The following FNIP1 variants were observed in gnomAD, a reference collection of about 807,000 sequenced individuals.
The protein encoded by FNIP1 is folliculin-interacting protein 1.
Under a neutral mutation model 124.5 loss-of-function variants are expected in FNIP1, and 40 were observed. The observed-to-expected ratio is 0.32, with a 90% confidence interval of 0.25 to 0.42. FNIP1 has a LOEUF of 0.42. Among genes scored for constraint, FNIP1 ranks in the 10% least tolerant of loss-of-function variants. The pLI is 1.00. For synonymous variants in FNIP1, 472 were observed against 470.6 expected (o/e 1.00, Z -0.04); for missense variants, 1,176 against 1,403.7 (o/e 0.84, Z 2.59).
intron 1 of FNIP1, among the ~76,000 whole-genome samples, chr5:131,769,930 T>C (rs1020528810): frequency 6.6e-6 from 1 of 152,298 alleles, no homozygotes; most frequent in African/African-American, 2.4e-5. Context: ...GAAATGCCAA[T>C]GTATGTATTT....
intron 1 of FNIP1, among the ~76,000 whole-genome samples, chr5:131,775,862 A>G (rs980238972): frequency 2.0e-5 from 3 of 152,146 alleles, no homozygotes; most frequent in East Asian, 3.8e-4. Flanking sequence ...ATGAATTAAT[A>G]TATCTAAAGT....
chr5:131,734,134 G>T (rs575561936), intron 2 of FNIP1, among the ~76,000 whole-genome samples: 84 of 152,156 alleles, frequency 5.5e-4, no homozygotes, highest in Non-Finnish European at 1.0e-3. Context: ...TTTATAGTAT[G>T]CTCTGATGGT....
chr5:131,672,240 T>G lies in FNIP1; in HGVS notation c.2204A>C (p.Asp735Ala). Reference protein sequence around the residue: ...TGMVVEKKPPDKIVPASFSCE... With the variant: ...TGMVVEKKPPAKIVPASFSCE... ...AGAAAATGAAGCAGGCACAATCTTATCTGGAGGTTTTTTTTCCACAACCAT... is the reference window on the plus strand; with the variant it reads ...AGAAAATGAAGCAGGCACAATCTTAGCTGGAGGTTTTTTTTCCACAACCAT... Residue 735 changes from aspartate (D) to alanine (A), a missense_variant, in exon 14 of 18, where the codon GAT (aspartate) becomes GCT (alanine). Asp to Ala is a moderately radical substitution (Grantham distance 126). This residue lies in a region of FNIP1 where 1,109 missense variants were observed against 1,288.5 expected (regional missense o/e 0.86). Coordinates refer to ENST00000510461, the MANE Select transcript of FNIP1 (RefSeq NM_133372.3). The G allele has an allele frequency of 6.2e-7, 1 of 1,614,198 alleles. No homozygotes were observed. Among genetic ancestry groups the G allele is most frequent in the Non-Finnish European group, 8.5e-7 (1 of 1,180,032 alleles).
rs529189293 is a variant in FNIP1, at chr5:131,703,468, T to C, written c.1116+597A>G. On this transcript the variant is annotated intron_variant, in intron 10 of 17. Transcript: ENST00000510461. ...CTAATGTTCTTACAATGGTATCTTATAAGGTCCTACATGATCTAGTCTCAC... is the reference window on the plus strand; with the variant it reads ...CTAATGTTCTTACAATGGTATCTTACAAGGTCCTACATGATCTAGTCTCAC... 6.7e-4 allele frequency among the ~76,000 whole-genome samples: 102 copies of C among 152,338 alleles called. 1 individual carries two copies. The highest frequency in any genetic ancestry group is 7.3e-5 in the Non-Finnish European group (5 of 68,034).
At chr5:131,732,957 A>C (rs186567058) in intron 2 of FNIP1, among the ~76,000 whole-genome samples, 1 of 152,204 alleles carries the variant, frequency 6.6e-6, no homozygotes, top group Admixed American at 6.5e-5. Flanking sequence ...CTTTCTATCC[A>C]TGAGCATGGA....
chr5:131,655,752 CAAAAAA>C (rs35443566), intron 15 of FNIP1, among the ~76,000 whole-genome samples: 5 of 139,816 alleles, frequency 3.6e-5, no homozygotes, highest in African/African-American at 1.3e-4. Context: ...ACTAAAAATA[CAAAAAA>C]AAAAAAAAAA....
chr5:131,775,300 T>C (rs1408863156), intron 1 of FNIP1, among the ~76,000 whole-genome samples: 2 of 152,152 alleles, frequency 1.3e-5, no homozygotes, highest in East Asian at 3.8e-4. Context: ...GTATGCTATG[T>C]TTTCAGAAAG....
At chr5:131,713,018 A>G (rs1163571413) in intron 6 of FNIP1, among the ~76,000 whole-genome samples, 1 of 151,684 alleles carries the variant, frequency 6.6e-6, no homozygotes, top group Non-Finnish European at 1.5e-5. Context: ...CACTCTCTGT[A>G]TTTTTCCCCC....
chr5:131,705,595 T>C (rs571590319), intron 9 of FNIP1, among the ~76,000 whole-genome samples: 65 of 152,214 alleles, frequency 4.3e-4, no homozygotes, highest in Admixed American at 7.2e-4. Context: ...AAATAAGTGC[T>C]GGTGAAGATA....
intron 17 of FNIP1, among the ~76,000 whole-genome samples, chr5:131,646,162 T>A (rs1306007890): frequency 6.6e-6 from 1 of 152,200 alleles, no homozygotes; most frequent in African/African-American, 2.4e-5. Flanking sequence ...TCTCTCTGTA[T>A]AACTCAAGTC....
chr5:131,751,992 T>C (rs1770887062), intron 1 of FNIP1, among the ~76,000 whole-genome samples: 1 of 152,180 alleles, frequency 6.6e-6, no homozygotes, highest in African/African-American at 2.4e-5. Context: ...GAATGTGAAG[T>C]ATATCTCAGC....
intron 14 of FNIP1, among the ~76,000 whole-genome samples, chr5:131,671,102 T>C (rs1039556519): frequency 1.8e-4 from 28 of 152,232 alleles, no homozygotes; most frequent in South Asian, 4.1e-4. Context: ...CCTTGCATAC[T>C]TGACCCAAAG....
intron 1 of FNIP1, among the ~76,000 whole-genome samples, chr5:131,772,726 T>G (rs182166561): frequency 1.8e-3 from 271 of 152,286 alleles, no homozygotes; most frequent in Non-Finnish European, 3.1e-3. Context: ...AAGCATAGAA[T>G]CCTCTTCTCC....
chr5:131,693,307 T>C (rs1768552397), intron 11 of FNIP1, among the ~76,000 whole-genome samples: 2 of 29,246 alleles, frequency 6.8e-5, no homozygotes, highest in Non-Finnish European at 8.5e-5. Flanking sequence ...CATATATATA[T>C]ATATATATAC....
intron 15 of FNIP1, 58 bp from the exon 16 acceptor site, chr5:131,652,057 G>A (rs1767054948): frequency 2.7e-6 from 4 of 1,500,780 alleles, no homozygotes; most frequent in Admixed American, 2.0e-5. Flanking sequence ...CAAAGATAAT[G>A]GTAATTCAGC....
intron 13 of FNIP1, among the ~76,000 whole-genome samples, chr5:131,674,819 TTTACAAAGC>T (rs58707470): frequency 0.025 from 3,768 of 152,298 alleles, 252 homozygotes; most frequent in East Asian, 0.23. Flanking sequence ...CTATTTTTAC[TTTACAAAGC>T]CCTCACACTT....
intron 2 of FNIP1, among the ~76,000 whole-genome samples, chr5:131,738,825 T>C (rs1354815256): frequency 2.0e-5 from 3 of 151,512 alleles, no homozygotes; most frequent in East Asian, 1.9e-4. Flanking sequence ...TTTTTTTTTT[T>C]TGGCCAGCGG....
intron 11 of FNIP1, among the ~76,000 whole-genome samples, chr5:131,693,303 T>TATATATAC (rs1312858429): frequency 0.054 from 1,574 of 29,128 alleles, 94 homozygotes; most frequent in African/African-American, 0.13. Flanking sequence ...TATACATATA[T>TATATATAC]ATATATATAT....
intron 1 of FNIP1, among the ~76,000 whole-genome samples, chr5:131,758,912 T>G (rs1275129750): frequency 6.6e-6 from 1 of 151,998 alleles, no homozygotes; most frequent in African/African-American, 2.4e-5. Context: ...AGATATTAAG[T>G]GGGATGTAGC....
Sources: gnomAD v4.1 joint callset for allele counts (sites outside exome capture counted in the v4.1 genomes callset) on GRCh38, gnomAD v4.1.1 for gene constraint, gnomAD v4.1.1 regional missense constraint, MANE v1.5 for transcripts, NCBI Gene and HGNC (gene_info 2026-07-23, HGNC 2026-07-21) for gene names.